Variants in AGMO observed in about 807,000 individuals in gnomAD.
AGMO encodes glyceryl-ether monooxygenase.
AGMO carries 75 observed loss-of-function variants against 60.2 expected under a neutral mutation model. The ratio of observed to expected loss-of-function variants is 1.25; its 90% confidence interval spans 1.03 to 1.51. The LOEUF is 1.51. Among genes scored for constraint, AGMO ranks in the 40% most tolerant of loss-of-function variants. The pLI, the probability that AGMO is intolerant of heterozygous loss-of-function variation, is 0.00. For missense variants in AGMO, 763 were observed against 525.5 expected, an observed-to-expected ratio of 1.45 and a Z score of -4.42; for synonymous variants, 261 against 177.1, an observed-to-expected ratio of 1.47 and a Z score of -3.76.
At chr7:15,217,860 T>C (rs1175725192) in intron 12 of AGMO, among the ~76,000 whole-genome samples, 2 of 152,036 alleles carry the variant, frequency 1.3e-5, no homozygotes, top group Admixed American at 6.6e-5. Flanking sequence ...TGTTAATTTA[T>C]TGTTCGCCAT....
chr7:15,269,392 A>G (rs1338852061), intron 12 of AGMO, among the ~76,000 whole-genome samples: 1 of 152,110 alleles, frequency 6.6e-6, no homozygotes, highest in Non-Finnish European at 1.5e-5. Flanking sequence ...AAGTGAGCAC[A>G]TGAGAACAAT....
chr7:15,188,071 C>T, the AGMO span, among the ~76,000 whole-genome samples: 44 of 152,266 alleles, frequency 2.9e-4, no homozygotes, highest in African/African-American at 1.0e-3. Context: ...CTGCCATGAA[C>T]GAGGCTACTT....
intron 3 of AGMO, among the ~76,000 whole-genome samples, chr7:15,503,241 C>T (rs1399092913): frequency 1.3e-5 from 2 of 151,968 alleles, no homozygotes; most frequent in East Asian, 3.9e-4. Context: ...GAACAAAGAG[C>T]TGGTGTCAAG....
In AGMO at chr7:15,512,994, T is replaced by A. The variant is rs182424223; in HGVS notation, c.409+31778A>T. Among the ~76,000 whole-genome samples, 189 of 152,352 alleles carry A rather than the reference T, an allele frequency of 1.2e-3. 1 individual carries two copies. The highest frequency in any genetic ancestry group is 4.1e-3 in the African/African-American group (169 of 41,586). On this transcript the variant is annotated intron_variant, in intron 3 of 12. Transcript: ENST00000342526. ...AAATTATTTCTTTTGCAAATTTGCATGTCACTTAAAATTGTTTTTGTAATC... is the reference window on the plus strand; with the variant it reads ...AAATTATTTCTTTTGCAAATTTGCAAGTCACTTAAAATTGTTTTTGTAATC...
intron 12 of AGMO, among the ~76,000 whole-genome samples, chr7:15,260,188 C>T (rs1417309492): frequency 6.7e-6 from 1 of 149,384 alleles, no homozygotes; most frequent in African/African-American, 2.5e-5. Flanking sequence ...CACAACTGCA[C>T]TCCAGCCTGG....
At chr7:15,329,410 C>G (rs73064524) in intron 12 of AGMO, among the ~76,000 whole-genome samples, 3,770 of 152,224 alleles carry the variant, frequency 0.025, 64 homozygotes, top group Non-Finnish European at 0.039. Flanking sequence ...AGAAACCCTT[C>G]AAGATTAAGG....
At chr7:15,177,950 A>T in the AGMO span, among the ~76,000 whole-genome samples, 58 of 152,284 alleles carry the variant, frequency 3.8e-4, 1 homozygote, top group Admixed American at 2.6e-4. Context: ...GACACAAATT[A>T]AAATCGATTT....
At chr7:15,349,647 TACTC>T (rs1782163268) in intron 12 of AGMO, among the ~76,000 whole-genome samples, 1 of 152,056 alleles carries the variant, frequency 6.6e-6, no homozygotes, top group African/African-American at 2.4e-5. Context: ...TGAAGAAAAA[TACTC>T]AAGACTGGGT....
intron 12 of AGMO, among the ~76,000 whole-genome samples, chr7:15,228,321 T>C (rs1323072886): frequency 6.6e-6 from 1 of 152,046 alleles, no homozygotes; most frequent in Non-Finnish European, 1.5e-5. Flanking sequence ...ATACTCCACA[T>C]AGGGCATAGA....
At chr7:15,379,314 C>G (rs1483184611) in intron 10 of AGMO, among the ~76,000 whole-genome samples, 3 of 151,984 alleles carry the variant, frequency 2.0e-5, no homozygotes, top group African/African-American at 7.2e-5. Flanking sequence ...TTGGAAAGAT[C>G]AACAAATCCA....
At chr7:15,245,636 T>C (rs1782718271) in intron 12 of AGMO, among the ~76,000 whole-genome samples, 1 of 151,966 alleles carries the variant, frequency 6.6e-6, no homozygotes, top group Non-Finnish European at 1.5e-5. Context: ...CATATACATG[T>C]TCTGAGTGCC....
intron 2 of AGMO, among the ~76,000 whole-genome samples, chr7:15,553,654 G>T (rs1336694979): frequency 1.3e-5 from 2 of 151,962 alleles, no homozygotes; most frequent in Admixed American, 6.6e-5. Flanking sequence ...TAGGCATTAA[G>T]ATACCAAGAT....
intron 12 of AGMO, among the ~76,000 whole-genome samples, chr7:15,247,749 A>C (rs1420770786): frequency 6.6e-6 from 1 of 152,114 alleles, no homozygotes; most frequent in Admixed American, 6.5e-5. Context: ...TACCAGTGAA[A>C]GATTTAATTA....
rs374066204 is a variant in AGMO, at chr7:15,561,994, A to C, written c.-149T>G. On this transcript the variant is annotated 5_prime_UTR_variant, in exon 1 of 13. Transcript: ENST00000342526. ...CAAAGCTCCACTGAGAGCACACTCA[A>C]CAGCCGATTCTGTGTAGAGAGACAG... 8 of 683,346 alleles carry C rather than the reference A, an allele frequency of 1.2e-5. No homozygotes were observed. The highest frequency in any genetic ancestry group is 2.3e-6 in the Non-Finnish European group (1 of 434,092). 42.3% of individuals were successfully genotyped at this position (683,346 alleles called of 1,614,324 possible).
intron 12 of AGMO, among the ~76,000 whole-genome samples, chr7:15,278,563 G>A (rs926419463): frequency 6.6e-5 from 10 of 152,078 alleles, no homozygotes; most frequent in South Asian, 2.1e-4. Context: ...CAGAACTCTC[G>A]GGTGATGGGA....
Position 15,366,238 on chromosome 7 carries a change from G to A in AGMO, c.1075-16C>T, listed in dbSNP as rs1321640973. ...GCGACAGTGCCTGTCAAACAAACAC[G>A]GAGATCAATGGAGCCGTTAGAAGAA... On this transcript the variant is annotated splice_polypyrimidine_tract_variant and intron_variant, in intron 10 of 12. Transcript: ENST00000342526. The A allele has an allele frequency of 5.7e-6, 9 of 1,573,140 alleles. No homozygotes were observed. Among genetic ancestry groups the A allele is most frequent in the Admixed American group, 1.7e-5 (1 of 58,502 alleles).
the AGMO span, among the ~76,000 whole-genome samples, chr7:15,190,681 AATTC>A: frequency 6.6e-6 from 1 of 152,184 alleles, no homozygotes; most frequent in Non-Finnish European, 1.5e-5. Context: ...AAACCTTATT[AATTC>A]ATTACCAACG....
intron 12 of AGMO, among the ~76,000 whole-genome samples, chr7:15,229,148 C>A (rs1782175901): frequency 6.6e-6 from 1 of 152,084 alleles, no homozygotes; most frequent in Non-Finnish European, 1.5e-5. Context: ...GGGTCCCATT[C>A]CTGCTCCATT....
At chr7:15,361,648 A>C (rs1782771668) in intron 12 of AGMO, among the ~76,000 whole-genome samples, 1 of 151,940 alleles carries the variant, frequency 6.6e-6, no homozygotes, top group East Asian at 1.9e-4. Context: ...AAAGAATAAA[A>C]CCATTTAGGT....
Sources: gnomAD v4.1 joint callset for allele counts (sites outside exome capture counted in the v4.1 genomes callset) on GRCh38, gnomAD v4.1.1 for gene constraint, MANE v1.5 for transcripts, NCBI Gene and HGNC (gene_info 2026-07-23, HGNC 2026-07-21) for gene names.